TMEM245: variants seen among roughly 807,000 people sequenced by gnomAD.
The protein encoded by TMEM245 is protein CG-2.
TMEM245 carries 69 observed loss-of-function variants against 101.2 expected under a neutral mutation model. The observed-to-expected ratio is 0.68, with a 90% CI of 0.56 to 0.83. The LOEUF is 0.83. Among genes scored for constraint, TMEM245 ranks in the 40% least tolerant of loss-of-function variants. TMEM245 has a pLI of 0.00. For synonymous variants in TMEM245, 537 were observed against 449.8 expected (o/e 1.19, Z -2.45); for missense variants, 1,075 against 1,092.8 (o/e 0.98, Z 0.23).
intron 17 of TMEM245, among the ~76,000 whole-genome samples, chr9:109,030,993 C>T (rs16913758): frequency 0.014 from 2,126 of 152,236 alleles, 51 homozygotes; most frequent in African/African-American, 0.049. Flanking sequence ...CTTGATTACA[C>T]GAGAATATCC....
intron 3 of TMEM245, among the ~76,000 whole-genome samples, chr9:109,101,234 C>A (rs1466152639): frequency 6.6e-6 from 1 of 152,162 alleles, no homozygotes; most frequent in Non-Finnish European, 1.5e-5. Context: ...TAGTGAACCA[C>A]AGCACAAAAC....
intron 4 of TMEM245, among the ~76,000 whole-genome samples, chr9:109,092,232 T>G (rs553055576): frequency 1.2e-4 from 18 of 152,352 alleles, no homozygotes; most frequent in African/African-American, 3.4e-4. Flanking sequence ...TAGGAGGTGC[T>G]CACTAAATAA....
At chr9:109,057,461 A>G in intron 11 of TMEM245, 139 bp from the exon 12 acceptor site, 2 of 1,032,290 alleles carry the variant, frequency 1.9e-6, no homozygotes, top group Non-Finnish European at 2.7e-6. Flanking sequence ...TTATTTAAGA[A>G]ATCAGCTAAG....
At chr9:109,085,416 A>G (rs117497981) in intron 7 of TMEM245, among the ~76,000 whole-genome samples, 1,749 of 152,372 alleles carry the variant, frequency 0.011, 14 homozygotes, top group South Asian at 0.031. Context: ...TGAAGCATTT[A>G]CCATAGACAC....
At chr9:109,029,062 G>C (rs1414770719) in intron 17 of TMEM245, among the ~76,000 whole-genome samples, 1 of 152,040 alleles carries the variant, frequency 6.6e-6, no homozygotes. Context: ...TTACTCTAAG[G>C]AAATAATACC....
In TMEM245 at chr9:109,093,697, T is replaced by G. The variant is rs1389138608; in HGVS notation, c.800-106A>C. Reference sequence around the variant, plus strand: ...AACAACAACAAAATAAAATGGTTACTACTGACCCACTGAATAAGTGGTTCT... The same window carrying G: ...AACAACAACAAAATAAAATGGTTACGACTGACCCACTGAATAAGTGGTTCT... On this transcript the variant is annotated intron_variant, in intron 3 of 17. Coordinates refer to ENST00000374586, the MANE Select transcript of TMEM245 (RefSeq NM_032012.4). 5.6e-6 allele frequency: 5 copies of G among 888,910 alleles called. No individual in the cohort carries two copies. In the African/African-American group the frequency reaches 8.4e-5, roughly 15 times the overall value. 55.1% of individuals were successfully genotyped at this position (888,910 alleles called of 1,614,324 possible).
In TMEM245 at chr9:109,119,623, G is replaced by T. The variant is rs758831538; in HGVS notation, c.291C>A (p.Phe97Leu). The change falls in exon 1 of 18, where the codon TTC becomes TTA. Residue 97 changes from phenylalanine (F) to leucine (L), a missense_variant. By Grantham distance (22) the Phe-to-Leu change is conservative. Around this residue, in one of 2 missense-constraint regions of TMEM245, gnomAD observed 808 missense variants for 741.5 expected, o/e 1.09. Transcript: ENST00000374586. ...GGCCCAGGCGCGTCAGCGAGCTCTTGAAGGGGTGCAGAAAAGTGCCGCATA... is the reference window on the plus strand; with the variant it reads ...GGCCCAGGCGCGTCAGCGAGCTCTTTAAGGGGTGCAGAAAAGTGCCGCATA... Reference protein sequence around the residue: ...AVLCGTFLHPFKSSLTRLGRH... With the variant: ...AVLCGTFLHPLKSSLTRLGRH... The T allele has an allele frequency of 6.4e-7, 1 of 1,562,072 alleles. No homozygotes were observed. The highest frequency in any genetic ancestry group is 8.6e-7 in the Non-Finnish European group (1 of 1,156,824).
chr9:109,084,369 T>C (rs1306610265), intron 7 of TMEM245, among the ~76,000 whole-genome samples: 3 of 152,210 alleles, frequency 2.0e-5, no homozygotes, highest in South Asian at 2.1e-4. Context: ...TACTATGTTA[T>C]ATGGAATCAT....
intron 9 of TMEM245, among the ~76,000 whole-genome samples, chr9:109,065,115 T>G (rs1248917912): frequency 6.6e-6 from 1 of 152,134 alleles, no homozygotes; most frequent in Non-Finnish European, 1.5e-5. Context: ...TAGACCCACT[T>G]TCCCCACAAC....
chr9:109,071,371 G>A (rs905464077), intron 9 of TMEM245, among the ~76,000 whole-genome samples: 1 of 151,968 alleles, frequency 6.6e-6, no homozygotes, highest in African/African-American at 2.4e-5. Flanking sequence ...CACTTCGGGA[G>A]GCTGAGGAGG....
At chr9:109,057,118 G>GT in intron 12 of TMEM245, 73 bp downstream of exon 12, 1 of 1,527,630 alleles carries the variant, frequency 6.5e-7, no homozygotes, top group Non-Finnish European at 8.9e-7. Flanking sequence ...GCCTCAAAGT[G>GT]TATGAAGAAA....
chr9:109,068,852 G>C (rs777487958), intron 9 of TMEM245, among the ~76,000 whole-genome samples: 5 of 152,132 alleles, frequency 3.3e-5, no homozygotes, highest in Non-Finnish European at 7.4e-5. Context: ...TGGTTGCTAA[G>C]AGTTAGGGAA....
intron 1 of TMEM245, among the ~76,000 whole-genome samples, chr9:109,114,001 G>A (rs756642165): frequency 4.6e-5 from 7 of 152,094 alleles, no homozygotes; most frequent in Admixed American, 1.3e-4. Context: ...ACTTGAACCC[G>A]GGAGGCAGAG....
chr9:109,074,462 G>C lies in TMEM245; in HGVS notation c.1450-1024C>G, dbSNP rs145639902. Among the ~76,000 whole-genome samples, 11 of 152,214 alleles carry C rather than the reference G, an allele frequency of 7.2e-5. No individual in the cohort carries two copies. The South Asian group carries it at 8.3e-4, about 11-fold the overall frequency. On this transcript the variant is annotated intron_variant, in intron 8 of 17. Coordinates refer to ENST00000374586, the MANE Select transcript of TMEM245 (RefSeq NM_032012.4). The stretch of plus-strand genomic sequence containing the variant: ...AGCTGACAAATATATTACGATTCAC[G>C]AGTAACAGGGAGAAAAGAAGCCACA...
chr9:109,042,751 CATT>C (rs1034840223), intron 14 of TMEM245, among the ~76,000 whole-genome samples: 19 of 151,696 alleles, frequency 1.3e-4, no homozygotes, highest in African/African-American at 3.9e-4. Flanking sequence ...CAACTATCAT[CATT>C]AATTCCAGAA....
chr9:109,051,821 G>GC (rs1439789714), intron 12 of TMEM245, among the ~76,000 whole-genome samples: 2 of 152,120 alleles, frequency 1.3e-5, no homozygotes, highest in African/African-American at 4.8e-5. Context: ...TGGCTGCCTA[G>GC]CCCCCACCCT....
Position 109,018,042 on chromosome 9 carries a change from T to A in TMEM245, c.*2418A>T, listed in dbSNP as rs1827500433. On this transcript the variant is annotated 3_prime_UTR_variant, in exon 18 of 18. Transcript: ENST00000374586. ...GTGATATTACATCACTGCTGCTAAT[T>A]TTGGTAGCTCTAAAGTATTCTCTTA... The A allele has an allele frequency of 6.6e-6, 1 of 152,190 alleles. No individual in the cohort carries two copies. The highest frequency in any genetic ancestry group is 1.5e-5 in the Non-Finnish European group (1 of 68,036). 9.4% of individuals were successfully genotyped at this position (152,190 alleles called of 1,614,324 possible).
In TMEM245 at chr9:109,057,209, G is replaced by T; in HGVS notation, c.1836C>A (p.Asn612Lys). ...WQDIVSFVHE[N>K]IETFLSILES... ...TTCTTACCGAAAGAAATGTCTCAAT[G>T]TTCTCGTGAACAAAGGAAACAATAT... Residue 612 changes from asparagine to lysine, a missense_variant, in exon 12 of 18, where the codon AAC becomes AAA. Physicochemically the swap from Asn to Lys is moderately conservative, Grantham distance 94 (BLOSUM62 0). This residue lies in a region of TMEM245 where 267 missense variants were observed against 351.3 expected (regional missense o/e 0.76). Transcript: ENST00000374586. The T allele has an allele frequency of 6.2e-7, 1 of 1,613,612 alleles. No homozygotes were observed. The highest frequency in any genetic ancestry group is 8.5e-7 in the Non-Finnish European group (1 of 1,179,730).
intron 17 of TMEM245, among the ~76,000 whole-genome samples, chr9:109,025,880 A>G (rs1827776794): frequency 6.6e-6 from 1 of 152,216 alleles, no homozygotes; most frequent in South Asian, 2.1e-4. Flanking sequence ...CATTCTCACT[A>G]TCAACAGTGA....
Sources: allele counts gnomAD v4.1 joint callset (sites outside exome capture counted in the v4.1 genomes callset), GRCh38; gene constraint gnomAD v4.1.1; regional missense constraint gnomAD v4.1.1; transcripts MANE v1.5; gene names NCBI Gene and HGNC (gene_info 2026-07-23, HGNC 2026-07-21).